The following WAPL variants were observed in gnomAD, a reference collection of about 807,000 sequenced individuals.
The protein encoded by WAPL is WAPL cohesin release factor.
Under a neutral mutation model 121.0 loss-of-function variants are expected in WAPL, and 5 were observed. That is an observed-to-expected ratio of 0.04 (90% confidence interval 0.02 to 0.09). WAPL has a LOEUF of 0.09. Ranked by LOEUF, WAPL falls within the 10% of genes least tolerant of loss-of-function variation. WAPL has a pLI of 1.00. For synonymous variants in WAPL, 480 were observed against 481.5 expected (o/e 1.00, Z 0.04); for missense variants, 999 against 1,410.8 (o/e 0.71, Z 4.68).
In WAPL at chr10:86,472,443, T is replaced by C; in HGVS notation, c.1894-99A>G. ...TTACATAAGTGCATAAAATAGTTCA[T>C]TAGATGGCAACAAAAATATTTTTAG... On this transcript the variant is annotated intron_variant, in intron 6 of 18. Transcript: ENST00000298767. The surrounding 1 kb of genome is among the most constrained non-coding windows in gnomAD (Gnocchi z 4.2). 1 of 1,513,788 alleles carries C rather than the reference T, an allele frequency of 6.6e-7. No homozygotes were observed. The highest frequency in any genetic ancestry group is 1.9e-4 in the Middle Eastern group (1 of 5,212). The allele number at this position is 1,513,788 out of a possible 1,614,324, so 93.8% of individuals were successfully genotyped here.
intron 17 of WAPL, among the ~76,000 whole-genome samples, chr10:86,440,681 TG>T (rs1392328148): frequency 6.6e-6 from 1 of 151,812 alleles, no homozygotes; most frequent in Non-Finnish European, 1.5e-5. Context: ...ATCTTGTCAT[TG>T]GAAATAAGAA....
At chr10:86,452,722 T>C (rs942442263) in intron 14 of WAPL, among the ~76,000 whole-genome samples, 2 of 151,962 alleles carry the variant, frequency 1.3e-5, no homozygotes, top group East Asian at 1.9e-4. Flanking sequence ...ATAGGGTCTT[T>C]TCATGGCTTT....
At chr10:86,438,052 A>T (rs1171540786) in intron 17 of WAPL, 37 bp from the exon 18 acceptor site, 2 of 1,477,048 alleles carry the variant, frequency 1.4e-6, no homozygotes, top group South Asian at 2.3e-5. Context: ...GTCAGCTGGC[A>T]GAAAACATGA....
Position 86,472,472 on chromosome 10 carries a change from A to G in WAPL, c.1894-128T>C. 6.7e-7 allele frequency: 1 copy of G among 1,502,530 alleles called. No individual in the cohort carries two copies. Among genetic ancestry groups the G allele is most frequent in the South Asian group, 1.3e-5 (1 of 78,214 alleles). The allele number at this position is 1,502,530 out of a possible 1,614,324, so 93.1% of individuals were successfully genotyped here. On this transcript the variant is annotated intron_variant, in intron 6 of 18. Coordinates refer to ENST00000298767, the MANE Select transcript of WAPL (RefSeq NM_015045.5). This position sits in a 1 kb window ranked among gnomAD's most constrained non-coding sequence, Gnocchi z 4.2. ...ATGGCAACAAAAATATTTTTAGAACAAGGATGATGGTAGGACAAAAGAAGT... is the reference window on the plus strand; with the variant it reads ...ATGGCAACAAAAATATTTTTAGAACGAGGATGATGGTAGGACAAAAGAAGT...
At chr10:86,483,630 G>C (rs1347692853) in intron 4 of WAPL, among the ~76,000 whole-genome samples, 1 of 151,910 alleles carries the variant, frequency 6.6e-6, no homozygotes. Flanking sequence ...AAGAAGGCTG[G>C]CATCATAGGA....
Position 86,469,148 on chromosome 10 carries a change from G to A in WAPL, c.2143-1642C>T, listed in dbSNP as rs541869780. On this transcript the variant is annotated intron_variant, in intron 8 of 18. Coordinates refer to ENST00000298767, the MANE Select transcript of WAPL (RefSeq NM_015045.5). ...AATAAAATACAAAAATTAGCCTGGC[G>A]TAGTGGCAGGAGCCTGTAGTCCCAG... Among the ~76,000 whole-genome samples, 10 of 150,578 alleles carry A rather than the reference G, an allele frequency of 6.6e-5. No homozygotes were observed. In the South Asian group the frequency reaches 2.1e-3, roughly 32 times the overall value.
chr10:86,481,176 T>C (rs1841774658), intron 4 of WAPL, among the ~76,000 whole-genome samples: 1 of 151,858 alleles, frequency 6.6e-6, no homozygotes. Flanking sequence ...ATTTAAAAGA[T>C]ATAAACAGTC....
chr10:86,452,298 A>G (rs1474198424), intron 14 of WAPL, among the ~76,000 whole-genome samples, 167 bp from the exon 15 acceptor site: 2 of 152,138 alleles, frequency 1.3e-5, no homozygotes, highest in African/African-American at 2.4e-5. Flanking sequence ...AAAGAAAAAA[A>G]AAAAAGAAAA....
Position 86,497,907 on chromosome 10 carries a change from C to T in WAPL, c.1526-588G>A, listed in dbSNP as rs182295607. Among the ~76,000 whole-genome samples the T allele has an allele frequency of 2.0e-4, 30 of 152,212 alleles. No homozygotes were observed. In the East Asian group the frequency reaches 2.9e-3, roughly 15 times the overall value. ...ACTAACCAAAGAGTCAGTTTATTTC[C>T]CAACTGGTTAAAAATATGTATCTTT... On this transcript the variant is annotated intron_variant, in intron 3 of 18. Transcript: ENST00000298767.
chr10:86,440,903 T>C (rs1467952985), intron 17 of WAPL, among the ~76,000 whole-genome samples: 1 of 118,788 alleles, frequency 8.4e-6, no homozygotes, highest in South Asian at 2.6e-4. Flanking sequence ...AAAAAGGCAA[T>C]ACAAAGAATT....
chr10:86,476,010 C>A (rs1204932040), intron 4 of WAPL, among the ~76,000 whole-genome samples: 2 of 152,208 alleles, frequency 1.3e-5, no homozygotes, highest in African/African-American at 4.8e-5. Context: ...AAGCAAGATC[C>A]TGTCTCTACA....
chr10:86,512,928 C>T (rs888001098), intron 2 of WAPL, among the ~76,000 whole-genome samples: 2 of 152,086 alleles, frequency 1.3e-5, no homozygotes, highest in East Asian at 1.9e-4. Flanking sequence ...AGGAACAGGA[C>T]ATTTTAGCAA....
chr10:86,486,218 G>A (rs1029750450), intron 4 of WAPL, among the ~76,000 whole-genome samples: 4 of 152,160 alleles, frequency 2.6e-5, no homozygotes, highest in African/African-American at 9.7e-5. Flanking sequence ...AGGTAACACT[G>A]GGTAAAACTG....
intron 9 of WAPL, among the ~76,000 whole-genome samples, chr10:86,462,479 G>A (rs1442788022): frequency 1.3e-5 from 2 of 152,028 alleles, no homozygotes; most frequent in Admixed American, 6.6e-5. Context: ...CAGCACTTTG[G>A]GAGGCCGAGG....
rs150045121 is a variant in WAPL, at chr10:86,476,717, G to A, written c.1645-2744C>T. ...AAAAAAAAAAAAAAGTGCTTTGTAA[G>A]TATTAAATGTTATTATTAATTGTTA... is the stretch of plus-strand genomic sequence containing the variant. On this transcript the variant is annotated intron_variant, in intron 4 of 18. Transcript: ENST00000298767. 9.3e-4 allele frequency among the ~76,000 whole-genome samples: 139 copies of A among 150,052 alleles called. 1 individual carries two copies. The highest frequency in any genetic ancestry group is 3.3e-3 in the African/African-American group (137 of 40,986).
chr10:86,449,111 A>C (rs2132170093), intron 15 of WAPL, among the ~76,000 whole-genome samples: 1 of 152,348 alleles, frequency 6.6e-6, no homozygotes. Context: ...AATAGGTAAG[A>C]AAAGAACAGC....
intron 2 of WAPL, among the ~76,000 whole-genome samples, chr10:86,512,784 C>T (rs535444755): frequency 1.7e-4 from 26 of 152,180 alleles, no homozygotes; most frequent in Non-Finnish European, 2.6e-4. Context: ...GAGAGAGTAG[C>T]GTGCAAAACA....
Position 86,503,752 on chromosome 10 carries a change from CAA to C in WAPL, c.500-3011_500-3010del, listed in dbSNP as rs34620393. ...TGGGTGACAGAGCAAGACTCCATCT[CAA>C]AAAAAAAAAAGAATACACACATGAA... On this transcript the variant is annotated intron_variant, in intron 2 of 18. Coordinates refer to ENST00000298767, the MANE Select transcript of WAPL (RefSeq NM_015045.5). 5.8e-3 allele frequency among the ~76,000 whole-genome samples: 848 copies of C among 147,064 alleles called. 7 individuals are homozygous for C. Among genetic ancestry groups the C allele is most frequent in the African/African-American group, 0.019 (773 of 39,988 alleles).
intron 4 of WAPL, 31 bp downstream of exon 4, chr10:86,497,167 AAAT>A: frequency 6.6e-7 from 1 of 1,520,540 alleles, no homozygotes; most frequent in Non-Finnish European, 9.0e-7. Flanking sequence ...AATAACAAAT[AAAT>A]AATAAAAATC....
Sources: gnomAD v4.1 joint callset for allele counts (sites outside exome capture counted in the v4.1 genomes callset) on GRCh38, gnomAD v4.1.1 for gene constraint, Gnocchi (gnomAD v3.1) non-coding constraint, MANE v1.5 for transcripts, NCBI Gene and HGNC (gene_info 2026-07-23, HGNC 2026-07-21) for gene names.